The following FAM200B variants were observed in gnomAD, a reference collection of about 807,000 sequenced individuals.
FAM200B encodes the protein zinc finger BED-type containing 11, also known as protein FAM200B.
FAM200B carries 32 observed loss-of-function variants against 33.1 expected under a neutral mutation model. That is an observed-to-expected ratio of 0.97 (90% CI 0.73 to 1.30). The LOEUF (loss-of-function observed/expected upper bound fraction) is 1.30. Among genes scored for constraint, FAM200B ranks in the 50% most tolerant of loss-of-function variants. FAM200B has a pLI of 0.00. For missense variants in FAM200B, 741 were observed against 754.0 expected, an observed-to-expected ratio of 0.98 and a Z score of 0.20; for synonymous variants, 240 against 264.8, an observed-to-expected ratio of 0.91 and a Z score of 0.91.
At chr4:15,654,042 C>G in the FAM200B span, among the ~76,000 whole-genome samples, 1 of 152,140 alleles carries the variant, frequency 6.6e-6, no homozygotes, top group Non-Finnish European at 1.5e-5. Context: ...AGATGGAGTG[C>G]TAAGATTTGA....
chr4:15,678,494 G>A (rs1013230320), upstream of FAM200B, among the ~76,000 whole-genome samples: 1 of 152,066 alleles, frequency 6.6e-6, no homozygotes, highest in East Asian at 1.9e-4. Flanking sequence ...TCATGCAAAC[G>A]AAGAAAAGCT....
the FAM200B span, among the ~76,000 whole-genome samples, chr4:15,664,956 A>C: frequency 6.6e-6 from 1 of 152,196 alleles, no homozygotes; most frequent in East Asian, 1.9e-4. Flanking sequence ...TGATTCATTA[A>C]GTTTAAGGTT....
chr4:15,656,005 A>G, the FAM200B span, among the ~76,000 whole-genome samples: 1 of 152,190 alleles, frequency 6.6e-6, no homozygotes, highest in Non-Finnish European at 1.5e-5. Context: ...ACCGCGAGAG[A>G]GAGTTCTCGT....
the FAM200B span, among the ~76,000 whole-genome samples, chr4:15,654,848 G>C: frequency 6.6e-6 from 1 of 152,170 alleles, no homozygotes; most frequent in Non-Finnish European, 1.5e-5. Flanking sequence ...AGGGCTTCGA[G>C]GAGGTAGGGC....
chr4:15,657,869 C>T, the FAM200B span, among the ~76,000 whole-genome samples: 1 of 152,170 alleles, frequency 6.6e-6, no homozygotes. Context: ...TGTCACTTTA[C>T]CTCTCTGTGA....
chr4:15,673,230 A>G, the FAM200B span, among the ~76,000 whole-genome samples: 1 of 152,200 alleles, frequency 6.6e-6, no homozygotes, highest in African/African-American at 2.4e-5. Context: ...GCTTGAGCCC[A>G]CAAGTTTGAA....
At chr4:15,654,986 G>A in the FAM200B span, among the ~76,000 whole-genome samples, 1 of 151,590 alleles carries the variant, frequency 6.6e-6, no homozygotes, top group Non-Finnish European at 1.5e-5. Flanking sequence ...CCCGCCCCGA[G>A]AGCACGTCCG....
chr4:15,678,555 C>T (rs1408218671), upstream of FAM200B, among the ~76,000 whole-genome samples: 2 of 152,164 alleles, frequency 1.3e-5, no homozygotes, highest in African/African-American at 2.4e-5. Context: ...TACATAGTCT[C>T]AAAATAGTCC....
chr4:15,645,156 T>C, the FAM200B span, among the ~76,000 whole-genome samples: 1 of 152,030 alleles, frequency 6.6e-6, no homozygotes, highest in East Asian at 1.9e-4. Context: ...AAGTATCTAG[T>C]ATTCCTAAAA....
chr4:15,659,538 G>T, the FAM200B span, among the ~76,000 whole-genome samples: 1 of 152,122 alleles, frequency 6.6e-6, no homozygotes, highest in Non-Finnish European at 1.5e-5. Context: ...TACGTTAACT[G>T]TCCAAATATA....
At chr4:15,667,355 T>G in the FAM200B span, among the ~76,000 whole-genome samples, 1 of 152,346 alleles carries the variant, frequency 6.6e-6, no homozygotes, top group East Asian at 1.9e-4. Flanking sequence ...AAACAATTTC[T>G]ATTTTTTAGG....
At chr4:15,677,200 T>G (rs1718025878), upstream of FAM200B, among the ~76,000 whole-genome samples, 1 of 152,134 alleles carries the variant, frequency 6.6e-6, no homozygotes, top group African/African-American at 2.4e-5. Context: ...AAAGATACCT[T>G]TATGTTATGT....
the FAM200B span, among the ~76,000 whole-genome samples, chr4:15,658,347 T>C: frequency 2.4e-4 from 37 of 152,334 alleles, no homozygotes; most frequent in African/African-American, 6.7e-4. Flanking sequence ...GATTTAGGAA[T>C]TGCTGTGGTT....
the FAM200B span, among the ~76,000 whole-genome samples, chr4:15,657,432 G>A: frequency 6.6e-6 from 1 of 152,170 alleles, no homozygotes; most frequent in Non-Finnish European, 1.5e-5. Context: ...CCAATCAACT[G>A]TTTGTGTCTG....
upstream of FAM200B, among the ~76,000 whole-genome samples, chr4:15,677,007 A>C (rs1718017554): frequency 6.6e-6 from 1 of 152,212 alleles, no homozygotes; most frequent in Non-Finnish European, 1.5e-5. Flanking sequence ...GAAAGCATAC[A>C]TGCACTACAA....
the FAM200B span, among the ~76,000 whole-genome samples, chr4:15,651,450 C>G: frequency 1.3e-5 from 2 of 152,080 alleles, no homozygotes; most frequent in Non-Finnish European, 2.9e-5. Context: ...TTAAAAGAAA[C>G]AATGTAGACA....
chr4:15,688,141 G>A lies in FAM200B; in HGVS notation c.1164G>A (p.Trp388Ter). ...TACTATATCATACCAAAATTCGTTG[G>A]TTGTCTCAAGGGAAAATACTAAGCA... ...THLLYHTKIR[W>*]LSQGKILSRV... The change falls in exon 2 of 2, where the codon TGG (tryptophan) becomes TGA (stop). Residue 388 changes from tryptophan to a stop codon, truncating the protein, a stop_gained. Coordinates refer to ENST00000422728, the MANE Select transcript of FAM200B (RefSeq NM_001145191.2). LOFTEE classifies it high-confidence loss of function. 2.6e-6 allele frequency: 4 copies of A among 1,551,194 alleles called. No homozygotes were observed. The highest frequency in any genetic ancestry group is 2.6e-6 in the Non-Finnish European group (3 of 1,146,742).
chr4:15,651,003 C>G, the FAM200B span, among the ~76,000 whole-genome samples: 3 of 152,066 alleles, frequency 2.0e-5, no homozygotes, highest in Non-Finnish European at 2.9e-5. Flanking sequence ...AACTGATTCT[C>G]AAAAGTGGTA....
chr4:15,666,078 G>A, the FAM200B span, among the ~76,000 whole-genome samples: 1 of 151,838 alleles, frequency 6.6e-6, no homozygotes, highest in African/African-American at 2.4e-5. Flanking sequence ...AAACCTTTTA[G>A]GGTGACTTGG....
Sources: allele counts gnomAD v4.1 joint callset (sites outside exome capture counted in the v4.1 genomes callset), GRCh38; gene constraint gnomAD v4.1.1; transcripts MANE v1.5; gene names NCBI Gene and HGNC (gene_info 2026-07-23, HGNC 2026-07-21).